The following SPHKAP variants were observed in gnomAD, a reference collection of about 807,000 sequenced individuals.
SPHKAP encodes SPHK1 interactor, AKAP domain containing.
A neutral mutation model predicts 137.5 loss-of-function variants in SPHKAP; 67 were observed. The ratio of observed to expected loss-of-function variants is 0.49; its 90% CI spans 0.40 to 0.60. The LOEUF is 0.60. Among genes scored for constraint, SPHKAP ranks in the 20% least tolerant of loss-of-function variants. The pLI is 0.00. For missense variants in SPHKAP, 2,097 were observed against 2,069.3 expected, an observed-to-expected ratio of 1.01 and a Z score of -0.26; for synonymous variants, 813 against 785.3, an observed-to-expected ratio of 1.04 and a Z score of -0.59.
At chr2:228,175,454 A>G (rs1448642124) in intron 1 of SPHKAP, among the ~76,000 whole-genome samples, 1 of 152,180 alleles carries the variant, frequency 6.6e-6, no homozygotes, top group Non-Finnish European at 1.5e-5. Context: ...CTCACACTGG[A>G]TGTGAAGTGG....
At chr2:227,989,600 A>G (rs962600824) in intron 11 of SPHKAP, among the ~76,000 whole-genome samples, 1 of 152,096 alleles carries the variant, frequency 6.6e-6, no homozygotes, top group African/African-American at 2.4e-5. Flanking sequence ...GGTGATTATA[A>G]TCTAATCACA....
intron 1 of SPHKAP, among the ~76,000 whole-genome samples, chr2:228,150,193 C>A (rs1203958768): frequency 6.6e-6 from 1 of 152,106 alleles, no homozygotes; most frequent in Admixed American, 6.6e-5. Context: ...ACAATATTAT[C>A]TTTTTCACAC....
chr2:228,156,208 T>C (rs1235495620), intron 1 of SPHKAP, among the ~76,000 whole-genome samples: 1 of 152,244 alleles, frequency 6.6e-6, no homozygotes, highest in Non-Finnish European at 1.5e-5. Context: ...ATTCCAGTTG[T>C]GATAAAATAG....
chr2:227,995,385 C>A (rs1161149563), intron 8 of SPHKAP, 124 bp downstream of exon 8: 21 of 1,197,148 alleles, frequency 1.8e-5, no homozygotes, highest in Non-Finnish European at 2.5e-5. Context: ...ATAGTGGGAA[C>A]TTTCCTTTTT....
chr2:228,056,412 C>T (rs1696446045), intron 3 of SPHKAP, among the ~76,000 whole-genome samples: 1 of 152,064 alleles, frequency 6.6e-6, no homozygotes, highest in Non-Finnish European at 1.5e-5. Flanking sequence ...GGGACCATCC[C>T]TTCTGGTTGT....
intron 11 of SPHKAP, among the ~76,000 whole-genome samples, chr2:227,983,731 C>T (rs1174825385): frequency 1.3e-5 from 2 of 152,166 alleles, no homozygotes; most frequent in Non-Finnish European, 2.9e-5. Flanking sequence ...ATAATTTCAA[C>T]AGGCATATCT....
intron 3 of SPHKAP, among the ~76,000 whole-genome samples, chr2:228,035,867 A>G (rs1331596325): frequency 6.6e-6 from 1 of 152,124 alleles, no homozygotes. Flanking sequence ...CTTATGCCCT[A>G]TACAAAAATT....
intron 2 of SPHKAP, among the ~76,000 whole-genome samples, chr2:228,120,409 A>T (rs1419040535): frequency 6.6e-6 from 1 of 152,192 alleles, no homozygotes; most frequent in African/African-American, 2.4e-5. Context: ...ACATAAGGAT[A>T]TAATTTGAGC....
chr2:228,080,565 G>A (rs1365438087), intron 3 of SPHKAP, among the ~76,000 whole-genome samples: 5 of 152,032 alleles, frequency 3.3e-5, no homozygotes, highest in African/African-American at 1.2e-4. Flanking sequence ...AAATTAGCTG[G>A]GCATGTTGGT....
intron 5 of SPHKAP, among the ~76,000 whole-genome samples, chr2:228,022,682 T>A (rs549632753): frequency 5.9e-5 from 9 of 152,264 alleles, no homozygotes; most frequent in African/African-American, 2.2e-4. Flanking sequence ...TTTTCTAGAT[T>A]AAATGCTCTA....
intron 6 of SPHKAP, among the ~76,000 whole-genome samples, chr2:228,020,606 T>A (rs1694806111): frequency 6.6e-6 from 1 of 152,024 alleles, no homozygotes; most frequent in Admixed American, 6.5e-5. Context: ...TTAGGAGATA[T>A]ACCTAATGTA....
chr2:228,129,143 G>A (rs537082579), intron 2 of SPHKAP, among the ~76,000 whole-genome samples: 8 of 152,192 alleles, frequency 5.3e-5, no homozygotes, highest in East Asian at 1.9e-4. Context: ...CAGTAACGTC[G>A]AAGATCACTG....
In SPHKAP at chr2:228,019,914, C is replaced by G. The variant is rs755691514; in HGVS notation, c.940G>C (p.Gly314Arg). ...KPSQWKREAV[G>R]NGRQATHYYH... ...TAATGTGTGGCTTGTCTCCCATTCC[C>G]CACAGCTTCTCTTTTCCACTGTGAT... Residue 314 changes from glycine (G) to arginine (R), a missense_variant, in exon 7 of 12, where the codon GGG becomes CGG. Transcript: ENST00000392056. 6.2e-7 allele frequency: 1 copy of G among 1,614,240 alleles called. No individual in the cohort carries two copies. The highest frequency in any genetic ancestry group is 8.5e-7 in the Non-Finnish European group (1 of 1,180,028).
intron 3 of SPHKAP, among the ~76,000 whole-genome samples, chr2:228,038,437 G>A (rs1695717054): frequency 6.6e-6 from 1 of 152,116 alleles, no homozygotes; most frequent in Non-Finnish European, 1.5e-5. Flanking sequence ...GGAAGATTCT[G>A]CATTACGGTT....
chr2:228,131,310 C>A (rs181354572), intron 2 of SPHKAP: 98 of 984,996 alleles, frequency 9.9e-5, no homozygotes, highest in South Asian at 3.3e-4. Flanking sequence ...GAAACATATA[C>A]TTCCCTGGAA....
intron 7 of SPHKAP, among the ~76,000 whole-genome samples, chr2:227,998,766 C>T (rs998831370): frequency 4.6e-5 from 7 of 152,196 alleles, no homozygotes; most frequent in Middle Eastern, 3.4e-3. Flanking sequence ...CAGGATGTGC[C>T]GAGGCCTCAG....
At chr2:228,135,897 T>C (rs912358651) in intron 1 of SPHKAP, among the ~76,000 whole-genome samples, 3 of 152,172 alleles carry the variant, frequency 2.0e-5, no homozygotes, top group Non-Finnish European at 4.4e-5. Context: ...TAATGATGCC[T>C]AATATCAAAG....
chr2:227,993,750 C>A (rs895069676), intron 8 of SPHKAP, 130 bp from the exon 9 acceptor site: 7 of 745,820 alleles, frequency 9.4e-6, no homozygotes, highest in African/African-American at 5.3e-5. Context: ...GCCTAGGACA[C>A]CTCAATTCAT....
chr2:228,178,886 GA>G (rs1307971184), intron 1 of SPHKAP, among the ~76,000 whole-genome samples: 1 of 150,458 alleles, frequency 6.6e-6, no homozygotes, highest in East Asian at 1.9e-4. Flanking sequence ...AGTTTTCACA[GA>G]AGGAAGGGAA....
Sources: gnomAD v4.1 joint callset for allele counts (sites outside exome capture counted in the v4.1 genomes callset) on GRCh38, gnomAD v4.1.1 for gene constraint, MANE v1.5 for transcripts, NCBI Gene and HGNC (gene_info 2026-07-23, HGNC 2026-07-21) for gene names.